Variants in ERAP1 observed in about 807,000 individuals in gnomAD.
ERAP1 encodes endoplasmic reticulum aminopeptidase 1, also known as adipocyte-derived leucine aminopeptidase.
In ERAP1, 86 loss-of-function variants were observed where a neutral mutation model predicts 103.7. That is an observed-to-expected ratio of 0.83 (90% CI 0.70 to 0.99). The LOEUF (loss-of-function observed/expected upper bound fraction) is 0.99. Ranked by LOEUF, ERAP1 falls within the 50% of genes least tolerant of loss-of-function variation. The pLI is 0.00. For synonymous variants in ERAP1, 398 were observed against 402.4 expected, an observed-to-expected ratio of 0.99 and a Z score of 0.13; for missense variants, 1,009 against 1,128.4, an observed-to-expected ratio of 0.89 and a Z score of 1.52.
At position 96,803,400 on chromosome 5, in the gene ERAP1, T is replaced by A. The variant is rs74686579; in HGVS notation, c.524+3A>T. 6.2e-7 allele frequency: 1 copy of A among 1,612,160 alleles called. No individual in the cohort carries two copies. Among genetic ancestry groups the A allele is most frequent in the South Asian group, 1.1e-5 (1 of 90,552 alleles). On this transcript the variant is annotated splice_donor_region_variant and intron_variant, in intron 2 of 18. Transcript: ENST00000443439. ...TTTAAAAGAAAAAGAGAAAAAAAAA[T>A]ACCTCAGTTCCCCTTCCTTGGTTCT...
the ERAP1 span, among the ~76,000 whole-genome samples, chr5:96,872,351 A>AC: frequency 1.3e-5 from 2 of 150,186 alleles, no homozygotes; most frequent in Non-Finnish European, 3.0e-5. Flanking sequence ...AAAAAAAAAA[A>AC]AGGAAGAAAG....
chr5:96,917,403 G>A, the ERAP1 span: 3 of 1,541,740 alleles, frequency 1.9e-6, no homozygotes, highest in Non-Finnish European at 2.6e-6. Context: ...TTACAGGTGT[G>A]AACCACCACA....
the ERAP1 span, among the ~76,000 whole-genome samples, chr5:96,847,002 G>T: frequency 1.3e-5 from 2 of 151,420 alleles, no homozygotes; most frequent in African/African-American, 2.4e-5. Context: ...GCTTTGGGAG[G>T]CTGAGATGGA....
At chr5:96,781,965 GC>G in intron 15 of ERAP1, 111 bp from the exon 16 acceptor site, 1 of 1,048,418 alleles carries the variant, frequency 9.5e-7, no homozygotes, top group South Asian at 1.4e-5. Context: ...AGAGAAGCAT[GC>G]CTGGAAATAT....
At chr5:96,909,553 C>A in the ERAP1 span, 4 of 1,590,628 alleles carry the variant, frequency 2.5e-6, no homozygotes, top group Non-Finnish European at 2.6e-6. Context: ...TTTAGCCTCT[C>A]TGTTAACCAT....
Position 96,765,338 on chromosome 5 carries a change from A to G in ERAP1, c.2819-2110T>C, listed in dbSNP as rs748239469. 2.1e-5 allele frequency: 22 copies of G among 1,037,184 alleles called. No individual in the cohort carries two copies. In the South Asian group the frequency reaches 2.5e-4, roughly 12 times the overall value. 64.2% of individuals were successfully genotyped at this position (1,037,184 alleles called of 1,614,324 possible). A position where few individuals can be genotyped will look rare whatever the true frequency, so the allele number is the denominator to read the frequency against. ...AGATAAAGTAAAGGTAAAAAAAAAA[A>G]AAAAAAAAAAAAAAATTCACTAATA... On this transcript the variant is annotated intron_variant, in intron 19 of 19. Transcript: ENST00000296754.
intron 2 of ERAP1, among the ~76,000 whole-genome samples, chr5:96,801,963 A>G (rs1360877562): frequency 1.3e-5 from 2 of 152,050 alleles, no homozygotes; most frequent in Non-Finnish European, 2.9e-5. Context: ...ATAAATCATT[A>G]ACAAACATAT....
Position 96,774,734 on chromosome 5 carries a change from GA to G in ERAP1, c.*1661del. ...AAGGGAAATAGTTTAGTTTGGGGTG[GA>G]AATTACCAGTGATTTCTATTTTTAT... On this transcript the variant is annotated 3_prime_UTR_variant, in exon 19 of 19. Coordinates refer to ENST00000443439, the MANE Select transcript of ERAP1 (RefSeq NM_001040458.3). 1 of 982,868 alleles carries G rather than the reference GA, an allele frequency of 1.0e-6. No individual in the cohort carries two copies. Among genetic ancestry groups the G allele is most frequent in the Non-Finnish European group, 1.2e-6 (1 of 827,548 alleles). 60.9% of individuals were successfully genotyped at this position (982,868 alleles called of 1,614,324 possible).
chr5:96,911,236 G>T, the ERAP1 span, among the ~76,000 whole-genome samples: 82,387 of 151,940 alleles, frequency 0.54, 22,393 homozygotes, highest in Admixed American at 0.59. Flanking sequence ...TTAAATAAGA[G>T]GTATGGAGAC....
chr5:96,851,946 T>C, the ERAP1 span, among the ~76,000 whole-genome samples: 1 of 151,864 alleles, frequency 6.6e-6, no homozygotes, highest in African/African-American at 2.4e-5. Context: ...GACATGGTGG[T>C]GTGGAAAACA....
chr5:96,895,880 T>C, the ERAP1 span, among the ~76,000 whole-genome samples: 1 of 152,156 alleles, frequency 6.6e-6, no homozygotes, highest in East Asian at 1.9e-4. Flanking sequence ...GTTAATTAGG[T>C]CTTTGGGATA....
the ERAP1 span, chr5:96,880,073 T>C: frequency 1.9e-6 from 3 of 1,614,174 alleles, no homozygotes; most frequent in Admixed American, 1.7e-5. Flanking sequence ...AGATTCAAGA[T>C]ACATGAAACC....
chr5:96,775,332 A>G lies in ERAP1; in HGVS notation c.*1064T>C, dbSNP rs1774006962. 3.2e-5 allele frequency: 32 copies of G among 985,210 alleles called. No individual in the cohort carries two copies. The highest frequency in any genetic ancestry group is 3.7e-5 in the Non-Finnish European group (31 of 829,752). The allele number at this position is 985,210 out of a possible 1,614,324, so 61.0% of individuals were successfully genotyped here. A position where few individuals can be genotyped will look rare whatever the true frequency, so the allele number is the denominator to read the frequency against. On this transcript the variant is annotated 3_prime_UTR_variant, in exon 19 of 19. Transcript: ENST00000443439. ...AATATGAGCAAATATTTTGTTTCAC[A>G]ATGTACTATCATTTATTGGTGACTG...
In ERAP1 at chr5:96,783,145, G is replaced by C. The variant is rs1266256822; in HGVS notation, c.2191C>G (p.Leu731Val). Residue 731 changes from leucine to valine, a missense_variant, in exon 15 of 19, where the codon CTA becomes GTA. Transcript: ENST00000443439. The part of the protein sequence containing the change: ...SVSERMLRSQ[L>V]LLLACVHNYQ... ...TTGTGCACACAGGCGAGGAGTAGTA[G>C]TTGACTCCGCAGCATTCGCTCTGAG... 1 of 1,614,126 alleles carries C rather than the reference G, an allele frequency of 6.2e-7. No individual in the cohort carries two copies. Among genetic ancestry groups the C allele is most frequent in the South Asian group, 1.1e-5 (1 of 91,080 alleles).
chr5:96,776,295 G>GT lies in ERAP1; in HGVS notation c.*100dup. ...CAAAAAATGAGTTGAAGGGAAAAAA[G>GT]TATCTCCAGTTGGAGCCAAAACAGC... On this transcript the variant is annotated 3_prime_UTR_variant, in exon 19 of 19. Transcript: ENST00000443439. 1 of 1,540,960 alleles carries GT rather than the reference G, an allele frequency of 6.5e-7. No individual in the cohort carries two copies. The highest frequency in any genetic ancestry group is 8.7e-7 in the Non-Finnish European group (1 of 1,148,688).
At chr5:96,929,264 A>C in the ERAP1 span, among the ~76,000 whole-genome samples, 2 of 152,216 alleles carry the variant, frequency 1.3e-5, no homozygotes, top group African/African-American at 4.8e-5. Context: ...AAGTTGCCTC[A>C]GTCTCTCTGC....
chr5:96,775,445 C>G lies in ERAP1; in HGVS notation c.*951G>C. The G allele has an allele frequency of 1.0e-6, 1 of 985,510 alleles. No individual in the cohort carries two copies. The highest frequency in any genetic ancestry group is 1.2e-6 in the Non-Finnish European group (1 of 829,910). The allele number at this position is 985,510 out of a possible 1,614,324, so 61.0% of individuals were successfully genotyped here. A position where few individuals can be genotyped will look rare whatever the true frequency, so the allele number is the denominator to read the frequency against. ...TAAGAAGCAGAGAGAGAAAAAAAAT[C>G]ACCTCCCTAAGAAAAGGGTTTTCCT... On this transcript the variant is annotated 3_prime_UTR_variant, in exon 19 of 19. Coordinates refer to ENST00000443439, the MANE Select transcript of ERAP1 (RefSeq NM_001040458.3).
chr5:96,926,825 TG>T, the ERAP1 span, among the ~76,000 whole-genome samples: 1 of 152,202 alleles, frequency 6.6e-6, no homozygotes, highest in African/African-American at 2.4e-5. Context: ...TTTGTTTGTT[TG>T]TTTGTTTCAA....
the ERAP1 span, chr5:96,889,159 A>G: frequency 1.2e-6 from 2 of 1,612,050 alleles, no homozygotes; most frequent in Non-Finnish European, 1.7e-6. Context: ...GTCATTCAAA[A>G]ACCTCTTCTG....
Sources: allele counts gnomAD v4.1 joint callset (sites outside exome capture counted in the v4.1 genomes callset), GRCh38; gene constraint gnomAD v4.1.1; transcripts MANE v1.5; gene names NCBI Gene and HGNC (gene_info 2026-07-23, HGNC 2026-07-21).